The following TM4SF4 variants were observed in gnomAD, a reference collection of about 807,000 sequenced individuals.
TM4SF4 encodes the protein transmembrane 4 L six family member 4, also known as transmembrane 4 L6 family member 4.
In TM4SF4, 24 loss-of-function variants were observed where a neutral mutation model predicts 24.1. The observed-to-expected ratio is 1.00, with a 90% CI of 0.72 to 1.40. The LOEUF (loss-of-function observed/expected upper bound fraction) is 1.40. Ranked by LOEUF, TM4SF4 falls within the 40% of genes most tolerant of loss-of-function variation. The probability of loss-of-function intolerance (pLI) is 0.00; values close to 1 mark genes in which losing one functional copy is unlikely to be tolerated. For missense variants in TM4SF4, 254 were observed against 254.2 expected (o/e 1.00, Z 0.01); for synonymous variants, 113 against 97.0 (o/e 1.17, Z -0.97).
At position 149,502,767 on chromosome 3, in the gene TM4SF4, T is replaced by A; in HGVS notation, c.*74T>A. On this transcript the variant is annotated 3_prime_UTR_variant, in exon 5 of 5. Coordinates refer to ENST00000305354, the MANE Select transcript of TM4SF4 (RefSeq NM_004617.4). ...CTTTTCATAAAACTTCTTCTCTTCT[T>A]GGAATTATTAATTCCTATCTGCTTC... 1.8e-6 allele frequency: 2 copies of A among 1,127,258 alleles called. No homozygotes were observed. The highest frequency in any genetic ancestry group is 1.3e-6 in the Non-Finnish European group (1 of 746,310). 69.8% of individuals were successfully genotyped at this position (1,127,258 alleles called of 1,614,324 possible).
intron 3 of TM4SF4, among the ~76,000 whole-genome samples, chr3:149,497,501 G>A (rs1009050562): frequency 6.6e-6 from 1 of 152,084 alleles, no homozygotes; most frequent in Admixed American, 6.5e-5. Flanking sequence ...TTTCATTAAG[G>A]CTCTGAAAGG....
chr3:149,484,896 A>T (rs67576825), intron 2 of TM4SF4, among the ~76,000 whole-genome samples: 2 of 151,894 alleles, frequency 1.3e-5, no homozygotes, highest in Admixed American at 6.6e-5. Context: ...TACCTTGTTA[A>T]CTATAATATC....
chr3:149,474,891 G>C lies in TM4SF4; in HGVS notation c.14G>C (p.Gly5Ala). Residue 5 changes from glycine to alanine, a missense_variant, in exon 1 of 5, where the codon GGC (glycine) becomes GCC (alanine). Transcript: ENST00000305354. Reference protein sequence around the residue: MCTGGCARCLGGTLI... With the variant: MCTGACARCLGGTLI... ...TACCACCCCAGAATGTGCACTGGGGGCTGTGCCAGATGCCTGGGGGGGACC... is the reference window on the plus strand; with the variant it reads ...TACCACCCCAGAATGTGCACTGGGGCCTGTGCCAGATGCCTGGGGGGGACC... 6.2e-7 allele frequency: 1 copy of C among 1,613,666 alleles called. No individual in the cohort carries two copies. The highest frequency in any genetic ancestry group is 2.2e-5 in the East Asian group (1 of 44,886).
At position 149,503,325 on chromosome 3, in the gene TM4SF4, A is replaced by G. The variant is rs187994751; in HGVS notation, c.*632A>G. ...TTTAGGAGGGGGGACAAAACGTTGA[A>G]TGAATAACAACTCATCTTTTCTACA... On this transcript the variant is annotated 3_prime_UTR_variant, in exon 5 of 5. Coordinates refer to ENST00000305354, the MANE Select transcript of TM4SF4 (RefSeq NM_004617.4). 2.6e-5 allele frequency: 4 copies of G among 152,350 alleles called. No individual in the cohort carries two copies. Among genetic ancestry groups the G allele is most frequent in the African/African-American group, 9.6e-5 (4 of 41,580 alleles). The allele number at this position is 152,350 out of a possible 1,614,324, so 9.4% of individuals were successfully genotyped here.
chr3:149,480,631 TC>T, intron 2 of TM4SF4, among the ~76,000 whole-genome samples: 1 of 152,128 alleles, frequency 6.6e-6, no homozygotes, highest in East Asian at 1.9e-4. Flanking sequence ...TTCTGGGGAC[TC>T]CCTCTTGCAG....
chr3:149,501,096 T>G (rs1446015676), intron 4 of TM4SF4, among the ~76,000 whole-genome samples: 1 of 152,126 alleles, frequency 6.6e-6, no homozygotes, highest in Non-Finnish European at 1.5e-5. Context: ...TGATAATACT[T>G]TGCTAAATCT....
Position 149,502,786 on chromosome 3 carries a change from C to A in TM4SF4, c.*93C>A. 1 of 924,204 alleles carries A rather than the reference C, an allele frequency of 1.1e-6. No individual in the cohort carries two copies. Among genetic ancestry groups the A allele is most frequent in the Non-Finnish European group, 1.8e-6 (1 of 571,332 alleles). The allele number at this position is 924,204 out of a possible 1,614,324, so 57.3% of individuals were successfully genotyped here. A position where few individuals can be genotyped will look rare whatever the true frequency, so the allele number is the denominator to read the frequency against. ...TCTTCTTGGAATTATTAATTCCTAT[C>A]TGCTTCCTAGCTGATAAAGCTTAGA... On this transcript the variant is annotated 3_prime_UTR_variant, in exon 5 of 5. Coordinates refer to ENST00000305354, the MANE Select transcript of TM4SF4 (RefSeq NM_004617.4).
chr3:149,499,280 C>A (rs1734372381), intron 4 of TM4SF4, among the ~76,000 whole-genome samples: 1 of 152,178 alleles, frequency 6.6e-6, no homozygotes, highest in Non-Finnish European at 1.5e-5. Flanking sequence ...GGTACAGTGT[C>A]AGCGATAGTA....
chr3:149,484,275 C>T (rs1286653942), intron 2 of TM4SF4, among the ~76,000 whole-genome samples: 1 of 152,194 alleles, frequency 6.6e-6, no homozygotes, highest in African/African-American at 2.4e-5. Flanking sequence ...TATCAATTCT[C>T]ATAAGACAAA....
chr3:149,479,322 G>A (rs1733991526), intron 2 of TM4SF4, among the ~76,000 whole-genome samples: 2 of 151,510 alleles, frequency 1.3e-5, no homozygotes, highest in Middle Eastern at 6.4e-3. Flanking sequence ...ATGTTCTAAG[G>A]CTTTGGAGCA....
At chr3:149,498,134 T>C (rs1734346000) in intron 3 of TM4SF4, among the ~76,000 whole-genome samples, 2 of 152,218 alleles carry the variant, frequency 1.3e-5, no homozygotes, top group African/African-American at 2.4e-5. Context: ...TGAGTCAAAT[T>C]CACAATTTGG....
At chr3:149,477,596 G>C (rs928692100) in intron 2 of TM4SF4, among the ~76,000 whole-genome samples, 7 of 152,218 alleles carry the variant, frequency 4.6e-5, no homozygotes, top group Non-Finnish European at 1.0e-4. Flanking sequence ...ATACATTACA[G>C]TTTCCATGTG....
At chr3:149,493,270 G>T (rs1277278305) in intron 3 of TM4SF4, among the ~76,000 whole-genome samples, 3 of 152,100 alleles carry the variant, frequency 2.0e-5, no homozygotes, top group Non-Finnish European at 4.4e-5. Flanking sequence ...CCTCTTTATT[G>T]TGATATAAGT....
intron 4 of TM4SF4, among the ~76,000 whole-genome samples, chr3:149,501,737 C>T (rs1734430563): frequency 1.3e-5 from 2 of 152,240 alleles, no homozygotes; most frequent in Admixed American, 6.5e-5. Flanking sequence ...ACTAACTTCT[C>T]ATAGTCTCAG....
At chr3:149,477,319 G>T (rs1288758433) in intron 2 of TM4SF4, among the ~76,000 whole-genome samples, 1 of 152,190 alleles carries the variant, frequency 6.6e-6, no homozygotes, top group Non-Finnish European at 1.5e-5. Flanking sequence ...AGGCAGAAAT[G>T]AAGCATAGTA....
chr3:149,476,687 A>C (rs1301262596), intron 2 of TM4SF4, among the ~76,000 whole-genome samples: 1 of 152,216 alleles, frequency 6.6e-6, no homozygotes. Flanking sequence ...TCCACAACAT[A>C]GAATGTCATT....
intron 3 of TM4SF4, among the ~76,000 whole-genome samples, chr3:149,497,723 C>G (rs1734336383): frequency 6.6e-6 from 1 of 152,144 alleles, no homozygotes; most frequent in Non-Finnish European, 1.5e-5. Context: ...TGGCTCACTG[C>G]AACCTCCACC....
intron 3 of TM4SF4, among the ~76,000 whole-genome samples, chr3:149,492,688 G>A (rs1355758058): frequency 6.6e-6 from 1 of 152,088 alleles, no homozygotes; most frequent in Non-Finnish European, 1.5e-5. Flanking sequence ...GGCAAGGAGA[G>A]CACCCTCACA....
At chr3:149,482,388 G>A (rs893409153) in intron 2 of TM4SF4, among the ~76,000 whole-genome samples, 43 of 152,276 alleles carry the variant, frequency 2.8e-4, no homozygotes, top group African/African-American at 9.9e-4. Flanking sequence ...TCCCTTATCT[G>A]ATTCCAAAGT....
Sources: gnomAD v4.1 joint callset for allele counts (sites outside exome capture counted in the v4.1 genomes callset) on GRCh38, gnomAD v4.1.1 for gene constraint, MANE v1.5 for transcripts, NCBI Gene and HGNC (gene_info 2026-07-23, HGNC 2026-07-21) for gene names.